Variants in ARL15 observed in about 807,000 individuals in gnomAD.
ARL15 encodes the protein ADP-ribosylation factor-like protein 15.
Under a neutral mutation model 25.2 loss-of-function variants are expected in ARL15, and 19 were observed. That is an observed-to-expected ratio of 0.75 (90% CI 0.53 to 1.10). ARL15 has a LOEUF of 1.10. ARL15 is among the 50% of genes least tolerant of loss of function. The pLI is 0.00. For missense variants in ARL15, 220 were observed against 246.0 expected (o/e 0.89, Z 0.71); for synonymous variants, 94 against 86.8 (o/e 1.08, Z -0.46).
At chr5:53,895,477 C>T (rs1358572380) in intron 4 of ARL15, among the ~76,000 whole-genome samples, 1 of 152,146 alleles carries the variant, frequency 6.6e-6, no homozygotes, top group Non-Finnish European at 1.5e-5. Flanking sequence ...TTACCAACTC[C>T]CTTAGTACTA....
intron 4 of ARL15, among the ~76,000 whole-genome samples, chr5:53,918,755 TAA>T (rs952849206): frequency 2.1e-4 from 32 of 151,492 alleles, no homozygotes; most frequent in African/African-American, 7.5e-4. Context: ...GCAAATGAAA[TAA>T]AAGAGTCTGA....
chr5:53,942,998 G>T (rs697092), intron 4 of ARL15, among the ~76,000 whole-genome samples: 1 of 151,920 alleles, frequency 6.6e-6, no homozygotes, highest in Non-Finnish European at 1.5e-5. Flanking sequence ...GAAAATGGGA[G>T]GGGAGGAAAT....
chr5:54,150,851 C>CAA (rs34261981), intron 3 of ARL15, among the ~76,000 whole-genome samples: 26,398 of 127,070 alleles, frequency 0.21, 3,149 homozygotes, highest in East Asian at 0.67. Flanking sequence ...CACTGTTAAC[C>CAA]AAAAAAAAAA....
At chr5:54,140,384 G>T (rs919521706) in intron 3 of ARL15, among the ~76,000 whole-genome samples, 11 of 151,084 alleles carry the variant, frequency 7.3e-5, no homozygotes, top group Admixed American at 4.6e-4. Context: ...GAAATAAAGG[G>T]TTTAAATATA....
chr5:53,928,988 A>G (rs1746117714), intron 4 of ARL15, among the ~76,000 whole-genome samples: 1 of 152,220 alleles, frequency 6.6e-6, no homozygotes, highest in Non-Finnish European at 1.5e-5. Context: ...TACTTTAGCA[A>G]AAGCACTATA....
chr5:54,069,558 C>CAAAAAAAAAAAAAAAAA (rs34795383), intron 4 of ARL15, among the ~76,000 whole-genome samples: 1 of 48,076 alleles, frequency 2.1e-5, no homozygotes, highest in Non-Finnish European at 3.2e-5. Context: ...CAAAACGTCT[C>CAAAAAAAAAAAAAAAAA]AAAAAAAAAA....
chr5:54,306,939 A>G (rs1459408131), intron 1 of ARL15, among the ~76,000 whole-genome samples: 1 of 152,182 alleles, frequency 6.6e-6, no homozygotes, highest in African/African-American at 2.4e-5. Flanking sequence ...AACTCGAGAA[A>G]TGTGTTTTTC....
At chr5:53,967,411 G>C (rs1436348579) in intron 4 of ARL15, among the ~76,000 whole-genome samples, 1 of 152,168 alleles carries the variant, frequency 6.6e-6, no homozygotes, top group Admixed American at 6.5e-5. Flanking sequence ...AGAGATTTCA[G>C]CAATGAAGAT....
chr5:54,087,835 C>T lies in ARL15; in HGVS notation c.462+25367G>A, dbSNP rs555334920. ...GGATTACAGTCACATGACACCATGC[C>T]CGACTAATTTTTGTATTTTTAGTAG... On this transcript the variant is annotated intron_variant, in intron 4 of 4. Coordinates refer to ENST00000504924, the MANE Select transcript of ARL15 (RefSeq NM_019087.3). Among the ~76,000 whole-genome samples, 16 of 66,842 alleles carry T rather than the reference C, an allele frequency of 2.4e-4. No individual in the cohort carries two copies. The East Asian group carries it at 7.8e-3, about 33-fold the overall frequency. 43.9% of individuals were successfully genotyped at this position (66,842 alleles called of 152,430 possible).
chr5:54,172,661 G>C (rs1380568899), intron 1 of ARL15, among the ~76,000 whole-genome samples: 1 of 152,150 alleles, frequency 6.6e-6, no homozygotes, highest in Admixed American at 6.6e-5. Flanking sequence ...TAAATCTCCA[G>C]CTCCATCTTT....
chr5:54,252,098 G>A (rs924452957), intron 1 of ARL15, among the ~76,000 whole-genome samples: 2 of 152,150 alleles, frequency 1.3e-5, no homozygotes, highest in African/African-American at 4.8e-5. Flanking sequence ...AGGATCAAAG[G>A]GCTATGGACC....
rs147288475 is a variant in ARL15 at position 53,978,622 on chromosome 5, C to CAAAAA, written c.463-91914_463-91910dup. Among the ~76,000 whole-genome samples, 241 of 71,092 alleles carry CAAAAA rather than the reference C, an allele frequency of 3.4e-3. 4 individuals are homozygous for CAAAAA. The highest frequency in any genetic ancestry group is 7.6e-3 in the East Asian group (18 of 2,370). 46.6% of individuals were successfully genotyped at this position (71,092 alleles called of 152,430 possible). A position where few individuals can be genotyped will look rare whatever the true frequency, so the allele number is the denominator to read the frequency against. On this transcript the variant is annotated intron_variant, in intron 4 of 4. Coordinates refer to ENST00000504924, the MANE Select transcript of ARL15 (RefSeq NM_019087.3). ...GCAACACAGGGAGACCCTGTCTCTA[C>CAAAAA]AAAAAAAAAAAAAAGAAAAGAAAAG...
chr5:54,256,478 T>C (rs1256883368), intron 1 of ARL15, among the ~76,000 whole-genome samples: 1 of 144,424 alleles, frequency 6.9e-6, no homozygotes, highest in Non-Finnish European at 1.5e-5. Flanking sequence ...CACAGCCGAA[T>C]TCTACCAGAC....
chr5:54,278,989 AT>A (rs1239384308), intron 1 of ARL15, among the ~76,000 whole-genome samples: 2 of 152,194 alleles, frequency 1.3e-5, no homozygotes, highest in African/African-American at 4.8e-5. Context: ...GATTCCTAAT[AT>A]GTAAAATATA....
chr5:54,196,586 A>G (rs1188167375), intron 1 of ARL15, among the ~76,000 whole-genome samples: 1 of 152,148 alleles, frequency 6.6e-6, no homozygotes, highest in Non-Finnish European at 1.5e-5. Flanking sequence ...ATTATTATTT[A>G]TGCCATACTA....
intron 3 of ARL15, among the ~76,000 whole-genome samples, chr5:54,116,965 C>A (rs555222997): frequency 6.6e-6 from 1 of 152,154 alleles, no homozygotes; most frequent in African/African-American, 2.4e-5. Context: ...TTAATGCCCA[C>A]ATACATTAAT....
intron 4 of ARL15, among the ~76,000 whole-genome samples, chr5:54,090,971 A>C (rs1264925309): frequency 6.6e-6 from 1 of 151,818 alleles, no homozygotes; most frequent in Non-Finnish European, 1.5e-5. Context: ...GACTGAAAAC[A>C]CTGGTATTTT....
chr5:53,902,678 GAGA>G (rs1745105775), intron 4 of ARL15, among the ~76,000 whole-genome samples: 1 of 152,190 alleles, frequency 6.6e-6, no homozygotes, highest in African/African-American at 2.4e-5. Context: ...CCATAAACAG[GAGA>G]CAGACAAATA....
intron 4 of ARL15, among the ~76,000 whole-genome samples, chr5:54,063,761 C>T (rs1182318048): frequency 1.3e-5 from 2 of 152,124 alleles, no homozygotes; most frequent in African/African-American, 4.8e-5. Flanking sequence ...GTCTGCTGGA[C>T]TAACACAAAT....
Sources: gnomAD v4.1 joint callset for allele counts (sites outside exome capture counted in the v4.1 genomes callset) on GRCh38, gnomAD v4.1.1 for gene constraint, MANE v1.5 for transcripts, NCBI Gene and HGNC (gene_info 2026-07-23, HGNC 2026-07-21) for gene names.